Variants in KIAA1671 observed in about 807,000 individuals in gnomAD.
KIAA1671 encodes KIAA1671, also known as uncharacterized protein KIAA1671.
KIAA1671 carries 52 observed loss-of-function variants against 131.2 expected under a neutral mutation model. The ratio of observed to expected loss-of-function variants is 0.40; its 90% CI spans 0.32 to 0.50. KIAA1671 has a LOEUF of 0.50. Among genes scored for constraint, KIAA1671 ranks in the 20% least tolerant of loss-of-function variants. The pLI is 0.73. For missense variants in KIAA1671, 2,360 were observed against 2,364.2 expected, an observed-to-expected ratio of 1.00 and a Z score of 0.04; for synonymous variants, 1,003 against 961.6, an observed-to-expected ratio of 1.04 and a Z score of -0.80.
At chr22:25,160,642 C>T (rs769366328) in intron 6 of KIAA1671, among the ~76,000 whole-genome samples, 2 of 152,180 alleles carry the variant, frequency 1.3e-5, no homozygotes, top group Non-Finnish European at 2.9e-5. Context: ...TAGCCTGCAG[C>T]CAGGAGATCA....
In KIAA1671 at chr22:25,181,601, T is replaced by C. The variant is rs543013502; in HGVS notation, c.5075-98T>C. On this transcript the variant is annotated intron_variant, in intron 9 of 12. Coordinates refer to ENST00000358431, the MANE Select transcript of KIAA1671 (RefSeq NM_001145206.2). Reference sequence around the variant, plus strand: ...TAGCGTCTTCTGTGCAGGTCTGATGTGAGCATTGCATGAGATACTGTGTGC... The same window carrying C: ...TAGCGTCTTCTGTGCAGGTCTGATGCGAGCATTGCATGAGATACTGTGTGC... 3.3e-5 allele frequency: 47 copies of C among 1,435,288 alleles called. No homozygotes were observed. The African/African-American group carries it at 6.5e-4, about 20-fold the overall frequency. The allele number at this position is 1,435,288 out of a possible 1,614,324, so 88.9% of individuals were successfully genotyped here. A position where few individuals can be genotyped will look rare whatever the true frequency, so the allele number is the denominator to read the frequency against.
intron 1 of KIAA1671, among the ~76,000 whole-genome samples, chr22:24,992,194 G>A (rs1435092494): frequency 2.6e-5 from 4 of 152,204 alleles, no homozygotes; most frequent in African/African-American, 7.2e-5. Context: ...TTTGGACCCT[G>A]TAGGAGCAGA....
chr22:25,181,638 C>T, intron 9 of KIAA1671, 61 bp from the exon 10 acceptor site: 1 of 1,542,720 alleles, frequency 6.5e-7, no homozygotes, highest in Middle Eastern at 1.7e-4. Flanking sequence ...AATTATCTGG[C>T]ATGTAGGACC....
At chr22:25,164,978 C>CGCGT (rs1933592577) in intron 6 of KIAA1671, among the ~76,000 whole-genome samples, 1 of 116,584 alleles carries the variant, frequency 8.6e-6, no homozygotes, top group Non-Finnish European at 1.7e-5. Flanking sequence ...GAGTTGCAGG[C>CGCGT]GTGTGTGTGT....
chr22:25,136,026 C>T (rs1932661854), intron 6 of KIAA1671, among the ~76,000 whole-genome samples: 1 of 152,222 alleles, frequency 6.6e-6, no homozygotes, highest in Non-Finnish European at 1.5e-5. Flanking sequence ...TGGCAGGCTA[C>T]AGAATCAGCA....
At chr22:25,093,824 T>TCTGTCTCTCTC (rs1555877745) in intron 6 of KIAA1671, among the ~76,000 whole-genome samples, 2 of 21,952 alleles carry the variant, frequency 9.1e-5, no homozygotes, top group Non-Finnish European at 8.3e-5. Flanking sequence ...CTCTCTCTCT[T>TCTGTCTCTCTC]TCTCTCTCTG....
At chr22:25,186,524 T>C (rs1445622995) in intron 11 of KIAA1671, 2 of 152,274 alleles carry the variant, frequency 1.3e-5, no homozygotes, top group African/African-American at 2.4e-5. Flanking sequence ...GAGGATCCCT[T>C]GAGCCCAGGA....
intron 1 of KIAA1671, among the ~76,000 whole-genome samples, chr22:24,972,409 C>T (rs1048512532): frequency 6.6e-6 from 1 of 152,180 alleles, no homozygotes; most frequent in Non-Finnish European, 1.5e-5. Context: ...ATCCATTCCT[C>T]CATTTTGTAT....
At chr22:24,969,942 A>G (rs1465855517) in intron 1 of KIAA1671, among the ~76,000 whole-genome samples, 1 of 152,240 alleles carries the variant, frequency 6.6e-6, no homozygotes, top group Non-Finnish European at 1.5e-5. Flanking sequence ...TTTAGACAAC[A>G]GGCTTCAGAG....
intron 1 of KIAA1671, among the ~76,000 whole-genome samples, chr22:24,990,397 C>T (rs1013630919): frequency 1.3e-5 from 2 of 152,206 alleles, no homozygotes; most frequent in African/African-American, 4.8e-5. Flanking sequence ...GGCCTGTTTA[C>T]TGTCATGTGT....
At chr22:25,053,987 G>A (rs1417875642) in intron 6 of KIAA1671, 4 of 147,558 alleles carry the variant, frequency 2.7e-5, no homozygotes, top group African/African-American at 1.0e-4. Context: ...TCAGGAGTTC[G>A]AGACCAGCCT....
chr22:25,165,253 G>T (rs1445695300), intron 6 of KIAA1671, among the ~76,000 whole-genome samples: 2 of 152,150 alleles, frequency 1.3e-5, no homozygotes, highest in Non-Finnish European at 2.9e-5. Context: ...TTGACAGTCT[G>T]TGTTAAAGAG....
At chr22:25,141,739 A>C (rs138563971) in intron 6 of KIAA1671, among the ~76,000 whole-genome samples, 50 of 152,160 alleles carry the variant, frequency 3.3e-4, no homozygotes, top group African/African-American at 1.1e-3. Context: ...CCCACCTTTT[A>C]TTTAAAGAGG....
At chr22:25,048,624 A>C (rs1331803419) in intron 5 of KIAA1671, among the ~76,000 whole-genome samples, 2 of 152,152 alleles carry the variant, frequency 1.3e-5, no homozygotes, top group Non-Finnish European at 2.9e-5. Context: ...TGGCCTGTGA[A>C]TGTTTCCCCT....
intron 6 of KIAA1671, among the ~76,000 whole-genome samples, chr22:25,067,948 G>A (rs567793640): frequency 2.0e-5 from 3 of 152,276 alleles, no homozygotes; most frequent in Non-Finnish European, 4.4e-5. Context: ...GCCAGGACAC[G>A]CAGCGCCAGG....
At chr22:24,961,034 G>T (rs1259697661) in intron 1 of KIAA1671, among the ~76,000 whole-genome samples, 3 of 151,980 alleles carry the variant, frequency 2.0e-5, no homozygotes, top group African/African-American at 7.3e-5. Flanking sequence ...TTTGAGACAG[G>T]GTCTTGCTCT....
chr22:25,023,320 T>C (rs1303357321), intron 1 of KIAA1671: 1 of 152,290 alleles, frequency 6.6e-6, no homozygotes, highest in Admixed American at 6.5e-5. Context: ...TGAGCCGAGA[T>C]TGTGCCACTG....
intron 6 of KIAA1671, among the ~76,000 whole-genome samples, chr22:25,105,548 T>C (rs1930954293): frequency 6.6e-6 from 1 of 152,150 alleles, no homozygotes; most frequent in South Asian, 2.1e-4. Flanking sequence ...AAAAGTCCTC[T>C]GGGGGGGAAA....
chr22:25,088,682 A>G (rs907689572), intron 6 of KIAA1671, among the ~76,000 whole-genome samples: 6 of 152,228 alleles, frequency 3.9e-5, no homozygotes. Context: ...ATACACAGAC[A>G]TGTTTAACAT....
Sources: gnomAD v4.1 joint callset for allele counts (sites outside exome capture counted in the v4.1 genomes callset) on GRCh38, gnomAD v4.1.1 for gene constraint, MANE v1.5 for transcripts, NCBI Gene and HGNC (gene_info 2026-07-23, HGNC 2026-07-21) for gene names.